The following DDX18 variants were observed in gnomAD, a reference collection of about 807,000 sequenced individuals.
The protein encoded by DDX18 is DEAD-box helicase 18.
DDX18 carries 23 observed loss-of-function variants against 73.5 expected under a neutral mutation model. That is an observed-to-expected ratio of 0.31 (90% CI 0.23 to 0.44). The LOEUF is 0.44. Ranked by LOEUF, DDX18 falls within the 20% of genes least tolerant of loss-of-function variation. The pLI is 1.00. For missense variants in DDX18, 753 were observed against 792.9 expected, an observed-to-expected ratio of 0.95 and a Z score of 0.60; for synonymous variants, 268 against 282.7, an observed-to-expected ratio of 0.95 and a Z score of 0.52.
chr2:117,818,348 T>C (rs1043777201), intron 2 of DDX18, among the ~76,000 whole-genome samples: 2 of 152,208 alleles, frequency 1.3e-5, no homozygotes, highest in Non-Finnish European at 2.9e-5. Flanking sequence ...GCCTATTTGG[T>C]TGTGTTTATG....
Position 117,825,464 on chromosome 2 carries a change from T to G in DDX18, c.1386T>G (p.Asn462Lys), listed in dbSNP as rs768313056. The G allele has an allele frequency of 1.1e-5, 17 of 1,611,980 alleles. No homozygotes were observed. The highest frequency in any genetic ancestry group is 1.7e-4 in the Middle Eastern group (1 of 6,048). ...VLAIHGKQKQ[N>K]KRTTTFFQFC... The stretch of plus-strand genomic sequence containing the variant: ...AATTCTAGGGAAAGCAAAAGCAAAA[T>G]AAGCGTACAACCACATTCTTCCAGT... Residue 462 changes from asparagine to lysine, a missense_variant, in exon 10 of 14, where the codon AAT becomes AAG. Transcript: ENST00000263239.
intron 7 of DDX18, among the ~76,000 whole-genome samples, chr2:117,823,223 A>G (rs1679874398): frequency 1.3e-5 from 2 of 152,120 alleles, no homozygotes; most frequent in Admixed American, 6.5e-5. Flanking sequence ...TCCCTCCAAA[A>G]AAGTCTCAGA....
intron 2 of DDX18, 42 bp from the exon 3 acceptor site, chr2:117,819,607 T>A (rs749787489): frequency 6.7e-7 from 1 of 1,502,940 alleles, no homozygotes; most frequent in Non-Finnish European, 8.9e-7. Context: ...GAATTCTATT[T>A]TAAGGAAAAA....
intron 10 of DDX18, chr2:117,826,034 C>CT (rs59119058): frequency 0.019 from 1,850 of 97,276 alleles, 601 homozygotes; most frequent in African/African-American, 0.04. Flanking sequence ...CATGTCCAGC[C>CT]TTTTTTTTTT....
At chr2:117,819,554 T>G (rs995598730) in intron 2 of DDX18, 95 bp from the exon 3 acceptor site, 2 of 1,153,624 alleles carry the variant, frequency 1.7e-6, no homozygotes, top group Non-Finnish European at 2.4e-6. Flanking sequence ...TTTGAAAATA[T>G]ACGTCTTTAT....
chr2:117,822,973 T>G (rs1362071904), intron 7 of DDX18, among the ~76,000 whole-genome samples: 1 of 152,060 alleles, frequency 6.6e-6, no homozygotes, highest in East Asian at 1.9e-4. Flanking sequence ...AACCTAGGAG[T>G]GTCCTAGTTG....
rs772494330 is a variant in DDX18 at position 117,817,440 on chromosome 2, A to G, written c.86-4A>G. On this transcript the variant is annotated splice_region_variant and splice_polypyrimidine_tract_variant and intron_variant, in intron 1 of 13. Coordinates refer to ENST00000263239, the MANE Select transcript of DDX18 (RefSeq NM_006773.4). ...CACAGTATATGTTCTGTTTATTTAA[A>G]CAGGGGCCTCAAATCTGACCCTATC... is the stretch of plus-strand genomic sequence containing the variant. 3.8e-6 allele frequency: 6 copies of G among 1,593,350 alleles called. No homozygotes were observed. The East Asian group carries it at 8.9e-5, about 24-fold the overall frequency.
At chr2:117,817,344 T>C in intron 1 of DDX18, 100 bp from the exon 2 acceptor site, 2 of 1,125,804 alleles carry the variant, frequency 1.8e-6, no homozygotes, top group Non-Finnish European at 2.5e-6. Context: ...ATCTAAATAA[T>C]TTGTGTCAGG....
chr2:117,822,408 A>C (rs149252382), intron 7 of DDX18, 147 bp downstream of exon 7: 193 of 617,086 alleles, frequency 3.1e-4, no homozygotes, highest in African/African-American at 2.6e-3. Context: ...GTAATTTGGA[A>C]TACAAGCATC....
At chr2:117,816,833 G>A (rs1679766485) in intron 1 of DDX18, among the ~76,000 whole-genome samples, 1 of 152,204 alleles carries the variant, frequency 6.6e-6, no homozygotes, top group African/African-American at 2.4e-5. Flanking sequence ...GATGGCACTA[G>A]GTGATAGGAA....
In DDX18 at chr2:117,821,223, G is replaced by T. The variant is rs776855329; in HGVS notation, c.577G>T (p.Ala193Ser). Residue 193 changes from alanine to serine, a missense_variant, in exon 4 of 14, where the codon GCA (alanine) becomes TCA (serine). This residue lies in a region of DDX18 where 345 missense variants were observed against 352.0 expected (regional missense o/e 0.98). Coordinates refer to ENST00000263239, the MANE Select transcript of DDX18 (RefSeq NM_006773.4). ...TCTTGTCAATGAAAACACTCTGAAG[G>T]CAATAAAAGAAATGGGTTTTACAAA... ...CNLVNENTLKAIKEMGFTNMT... is the reference protein window; with the variant it reads ...CNLVNENTLKSIKEMGFTNMT... 1.2e-6 allele frequency: 2 copies of T among 1,611,240 alleles called. No individual in the cohort carries two copies. Among genetic ancestry groups the T allele is most frequent in the Non-Finnish European group, 8.5e-7 (1 of 1,178,704 alleles).
At position 117,822,228 on chromosome 2, in the gene DDX18, G is replaced by A. The variant is rs750581243; in HGVS notation, c.1033G>A (p.Glu345Lys). 6.2e-7 allele frequency: 1 copy of A among 1,613,498 alleles called. No homozygotes were observed. The highest frequency in any genetic ancestry group is 2.2e-5 in the East Asian group (1 of 44,874). ...TCGTATCTTGGATGTGGGGTTTGAAGAGGAATTAAAGCAAATTATTAAACT... is the reference window on the plus strand; with the variant it reads ...TCGTATCTTGGATGTGGGGTTTGAAAAGGAATTAAAGCAAATTATTAAACT... Reference protein sequence around the residue: ...ADRILDVGFEEELKQIIKLLP... With the variant: ...ADRILDVGFEKELKQIIKLLP... The change falls in exon 7 of 14, where the codon GAG becomes AAG. Residue 345 changes from glutamate (E) to lysine (K), a missense_variant. By Grantham distance (56) the Glu-to-Lys change is moderately conservative. Transcript: ENST00000263239.
intron 3 of DDX18, 52 bp downstream of exon 3, chr2:117,819,844 T>C (rs373454164): frequency 1.2e-5 from 18 of 1,473,172 alleles, no homozygotes; most frequent in East Asian, 7.5e-5. Flanking sequence ...GTGCCTCTCT[T>C]AGAGGATTAT....
At chr2:117,820,458 C>A (rs1679827966) in intron 3 of DDX18, among the ~76,000 whole-genome samples, 1 of 152,222 alleles carries the variant, frequency 6.6e-6, no homozygotes, top group Non-Finnish European at 1.5e-5. Context: ...GCCTAGGAGA[C>A]ATTTTTGGTT....
In DDX18 at chr2:117,817,522, A is replaced by T; in HGVS notation, c.164A>T (p.Lys55Ile). ...EETMGSRKVKKSKQKPMNVGL... is the reference protein window; with the variant it reads ...EETMGSRKVKISKQKPMNVGL... ...ACAATGGGAAGTAGAAAGGTTAAAAAATCAAAACAAAAGCCCATGAATGTG... is the reference window on the plus strand; with the variant it reads ...ACAATGGGAAGTAGAAAGGTTAAAATATCAAAACAAAAGCCCATGAATGTG... Residue 55 changes from lysine to isoleucine, a missense_variant, in exon 2 of 14, where the codon AAA becomes ATA. Around this residue, in one of 3 missense-constraint regions of DDX18, gnomAD observed 345 missense variants for 352.0 expected, o/e 0.98. Transcript: ENST00000263239. 6.2e-7 allele frequency: 1 copy of T among 1,613,830 alleles called. No homozygotes were observed. The highest frequency in any genetic ancestry group is 1.1e-5 in the South Asian group (1 of 91,050).
Position 117,814,860 on chromosome 2 carries a change from A to G in DDX18, c.83A>G (p.Gln28Arg). The G allele has an allele frequency of 6.2e-7, 1 of 1,614,122 alleles. No homozygotes were observed. Among genetic ancestry groups the G allele is most frequent in the Non-Finnish European group, 8.5e-7 (1 of 1,179,988 alleles). The change falls in exon 1 of 14, where the codon CAG becomes CGG. Residue 28 changes from glutamine (Q) to arginine (R), a missense_variant and splice_region_variant. Physicochemically the swap from Gln to Arg is conservative, Grantham distance 43. Transcript: ENST00000263239. ...LKLRQRNLKF[Q>R]GASNLTLSET... The stretch of plus-strand genomic sequence containing the variant: ...TTGCGGCAGCGGAACCTAAAGTTTC[A>G]GGGTGAGATGCGTTGACTCGCGGTG...
intron 11 of DDX18, 141 bp from the exon 12 acceptor site, chr2:117,828,808 C>A: frequency 1.6e-6 from 1 of 634,828 alleles, no homozygotes; most frequent in South Asian, 2.0e-5. Flanking sequence ...TTCCCATCAA[C>A]ATTGGGAGAC....
intron 7 of DDX18, among the ~76,000 whole-genome samples, chr2:117,823,730 A>G (rs1432277272): frequency 6.6e-6 from 1 of 152,092 alleles, no homozygotes; most frequent in African/African-American, 2.4e-5. Context: ...CTTGGTTCTG[A>G]TCTTAGGGGA....
At chr2:117,817,016 G>A (rs1204950516) in intron 1 of DDX18, among the ~76,000 whole-genome samples, 1 of 152,334 alleles carries the variant, frequency 6.6e-6, no homozygotes, top group East Asian at 1.9e-4. Flanking sequence ...GGGGTTGAAT[G>A]TTTTGAAGTG....
Sources: gnomAD v4.1 joint callset for allele counts (sites outside exome capture counted in the v4.1 genomes callset) on GRCh38, gnomAD v4.1.1 for gene constraint, gnomAD v4.1.1 regional missense constraint, MANE v1.5 for transcripts, NCBI Gene and HGNC (gene_info 2026-07-23, HGNC 2026-07-21) for gene names.